NLGN1: variants seen among roughly 807,000 people sequenced by gnomAD.
NLGN1 encodes the protein neuroligin 1, also known as neuroligin-1.
Under a neutral mutation model 65.5 loss-of-function variants are expected in NLGN1, and 12 were observed. The observed-to-expected ratio is 0.18, with a 90% CI of 0.12 to 0.30. The LOEUF (loss-of-function observed/expected upper bound fraction) is 0.30, where lower values mean the gene tolerates loss of function less well. Ranked by LOEUF, NLGN1 falls within the 10% of genes least tolerant of loss-of-function variation. The pLI is 1.00. For synonymous variants in NLGN1, 350 were observed against 359.5 expected (o/e 0.97, Z 0.30); for missense variants, 750 against 1,007.1 (o/e 0.74, Z 3.46).
At chr3:173,539,810 A>G (rs573438457) in intron 2 of NLGN1, among the ~76,000 whole-genome samples, 2 of 142,544 alleles carry the variant, frequency 1.4e-5, no homozygotes, top group Admixed American at 1.4e-4. Context: ...ATATATACAT[A>G]TATACATATG....
chr3:174,132,871 C>T (rs757438800), intron 4 of NLGN1, among the ~76,000 whole-genome samples: 2 of 152,074 alleles, frequency 1.3e-5, no homozygotes, highest in Non-Finnish European at 2.9e-5. Flanking sequence ...AGCGAGTAAC[C>T]CAAGGATCTA....
intron 4 of NLGN1, among the ~76,000 whole-genome samples, chr3:174,106,108 A>C (rs1355332483): frequency 6.6e-6 from 1 of 152,182 alleles, no homozygotes. Context: ...AATGAAGTTC[A>C]AAAAAGTTAA....
chr3:174,017,934 T>G (rs1320617070), intron 4 of NLGN1, among the ~76,000 whole-genome samples: 1 of 152,072 alleles, frequency 6.6e-6, no homozygotes, highest in African/African-American at 2.4e-5. Context: ...TGACCAAAAT[T>G]TATTAGGTGG....
chr3:173,678,939 T>C (rs150996068), intron 3 of NLGN1, among the ~76,000 whole-genome samples: 31 of 152,184 alleles, frequency 2.0e-4, no homozygotes, highest in African/African-American at 7.2e-4. Context: ...GTATCTGTAA[T>C]AATTGGTTGG....
chr3:174,265,561 T>A (rs1046155656), intron 4 of NLGN1, among the ~76,000 whole-genome samples: 2 of 151,832 alleles, frequency 1.3e-5, no homozygotes, highest in African/African-American at 4.8e-5. Flanking sequence ...GCGCACCCAC[T>A]GACCTGCGCC....
chr3:173,510,878 T>C (rs1053100101), intron 2 of NLGN1, among the ~76,000 whole-genome samples: 2 of 152,210 alleles, frequency 1.3e-5, no homozygotes, highest in African/African-American at 4.8e-5. Context: ...ACAATTTTCA[T>C]TGTTACTACT....
chr3:173,797,069 G>C (rs569320151), intron 3 of NLGN1, among the ~76,000 whole-genome samples: 10 of 152,260 alleles, frequency 6.6e-5, no homozygotes, highest in Admixed American at 6.5e-4. Context: ...GTGGTGTTTT[G>C]TTTCCAGCAG....
chr3:174,065,722 A>G (rs1234852997), intron 4 of NLGN1, among the ~76,000 whole-genome samples: 1 of 152,172 alleles, frequency 6.6e-6, no homozygotes, highest in African/African-American at 2.4e-5. Flanking sequence ...TTATTAAAAA[A>G]AAAAACAACA....
intron 3 of NLGN1, among the ~76,000 whole-genome samples, chr3:173,612,541 G>C (rs975439441): frequency 6.6e-6 from 1 of 151,914 alleles, no homozygotes; most frequent in African/African-American, 2.4e-5. Flanking sequence ...CCAATTTCTA[G>C]CTCTGTTGTC....
intron 3 of NLGN1, among the ~76,000 whole-genome samples, chr3:173,699,272 A>G (rs1766736931): frequency 6.6e-6 from 1 of 152,220 alleles, no homozygotes; most frequent in South Asian, 2.1e-4. Context: ...ATAAAATAAA[A>G]GAACACAAAC....
chr3:174,145,725 A>G lies in NLGN1; in HGVS notation c.647-129590A>G, dbSNP rs1465318838. 7.2e-5 allele frequency among the ~76,000 whole-genome samples: 11 copies of G among 152,344 alleles called. No individual in the cohort carries two copies. In the South Asian group the frequency reaches 1.4e-3, roughly 20 times the overall value. On this transcript the variant is annotated intron_variant, in intron 4 of 6. Coordinates refer to ENST00000457714, the Ensembl canonical transcript of NLGN1. Reference sequence around the variant, plus strand: ...TGCTCTGAAAGTCTAGGACATGGCTATCATTCTTGATTAGTAAAATTATAA... The same window carrying G: ...TGCTCTGAAAGTCTAGGACATGGCTGTCATTCTTGATTAGTAAAATTATAA...
chr3:173,560,032 C>T (rs1742420414), intron 2 of NLGN1, among the ~76,000 whole-genome samples: 1 of 150,502 alleles, frequency 6.6e-6, no homozygotes, highest in Non-Finnish European at 1.5e-5. Flanking sequence ...CCAGCTCCGC[C>T]TTCCGGGTTC....
At chr3:173,756,446 T>G (rs1444533351) in intron 3 of NLGN1, among the ~76,000 whole-genome samples, 1 of 151,898 alleles carries the variant, frequency 6.6e-6, no homozygotes, top group Non-Finnish European at 1.5e-5. Context: ...AAATTAAACC[T>G]TTTCAGGGTA....
intron 4 of NLGN1, among the ~76,000 whole-genome samples, chr3:173,969,918 A>C (rs1221614171): frequency 6.6e-6 from 1 of 152,024 alleles, no homozygotes; most frequent in Non-Finnish European, 1.5e-5. Context: ...GGGCTTAAAA[A>C]AAAAAAAGAT....
intron 4 of NLGN1, among the ~76,000 whole-genome samples, chr3:174,185,335 T>G (rs1731190655): frequency 6.6e-6 from 1 of 152,174 alleles, no homozygotes; most frequent in African/African-American, 2.4e-5. Context: ...CAGAACTTTC[T>G]GTGATTATAG....
At chr3:174,293,107 G>A in the NLGN1 span, among the ~76,000 whole-genome samples, 5 of 151,498 alleles carry the variant, frequency 3.3e-5, no homozygotes, top group Non-Finnish European at 7.4e-5. Context: ...TTCTGCTTCA[G>A]GAAGAACGAT....
chr3:173,744,735 C>T (rs1775113323), intron 3 of NLGN1, among the ~76,000 whole-genome samples: 1 of 152,046 alleles, frequency 6.6e-6, no homozygotes, highest in Non-Finnish European at 1.5e-5. Flanking sequence ...GTATCACATC[C>T]TTATCTTTCC....
intron 4 of NLGN1, among the ~76,000 whole-genome samples, chr3:174,158,642 G>A (rs1235815206): frequency 1.3e-5 from 2 of 151,720 alleles, no homozygotes; most frequent in Non-Finnish European, 2.9e-5. Flanking sequence ...AGGTGTTTGT[G>A]TGTACATTAA....
intron 3 of NLGN1, among the ~76,000 whole-genome samples, chr3:173,674,605 G>A (rs1036666625): frequency 1.3e-5 from 2 of 150,412 alleles, no homozygotes; most frequent in Non-Finnish European, 3.0e-5. Flanking sequence ...TGTCCTTTCC[G>A]AAATTAGATT....
Sources: allele counts gnomAD v4.1 joint callset (sites outside exome capture counted in the v4.1 genomes callset), GRCh38; gene constraint gnomAD v4.1.1; transcripts MANE v1.5; gene names NCBI Gene and HGNC (gene_info 2026-07-23, HGNC 2026-07-21).